NKAIN3: variants seen among roughly 807,000 people sequenced by gnomAD.
NKAIN3 encodes sodium/potassium-transporting ATPase subunit beta-1-interacting protein 3.
Under a neutral mutation model 30.2 loss-of-function variants are expected in NKAIN3, and 25 were observed. The observed-to-expected ratio is 0.83, with a 90% CI of 0.60 to 1.16. The LOEUF is 1.16. Among genes scored for constraint, NKAIN3 ranks in the 50% most tolerant of loss-of-function variants. The probability of loss-of-function intolerance (pLI) is 0.00; values close to 1 mark genes in which losing one functional copy is unlikely to be tolerated. For missense variants in NKAIN3, 225 were observed against 254.1 expected (o/e 0.89, Z 0.78); for synonymous variants, 91 against 89.6 (o/e 1.02, Z -0.09).
chr8:62,952,803 C>T (rs1823320338), intron 5 of NKAIN3, among the ~76,000 whole-genome samples: 1 of 152,090 alleles, frequency 6.6e-6, no homozygotes, highest in South Asian at 2.1e-4. Flanking sequence ...AAATGTTGCA[C>T]AAGAATTGAT....
At chr8:62,958,986 G>GATTCCCCC (rs1563645780) in intron 6 of NKAIN3, among the ~76,000 whole-genome samples, 1 of 152,192 alleles carries the variant, frequency 6.6e-6, no homozygotes, top group Non-Finnish European at 1.5e-5. Flanking sequence ...GCTGACCTGA[G>GATTCCCCC]ATTCCCCCAT....
intron 6 of NKAIN3, among the ~76,000 whole-genome samples, chr8:62,964,554 G>A (rs974157619): frequency 1.3e-5 from 2 of 151,520 alleles, no homozygotes; most frequent in African/African-American, 4.9e-5. Flanking sequence ...GTGTGTGTGT[G>A]TGTGTGTGTG....
intron 5 of NKAIN3, among the ~76,000 whole-genome samples, chr8:62,923,197 C>T (rs1373196046): frequency 6.6e-6 from 1 of 151,978 alleles, no homozygotes; most frequent in African/African-American, 2.4e-5. Context: ...ACTCGGGAGG[C>T]TCAGGTGGGA....
At chr8:62,252,492 C>A (rs944848463) in intron 1 of NKAIN3, among the ~76,000 whole-genome samples, 5 of 152,148 alleles carry the variant, frequency 3.3e-5, no homozygotes, top group African/African-American at 1.2e-4. Flanking sequence ...TTTGCAAAAT[C>A]TCAGTCATTT....
In NKAIN3 at chr8:62,972,388, T is replaced by G. The variant is rs114466804; in HGVS notation, c.*6981T>G. ...TATGTATATATTGGGGGGCAAAATATGACTTTTTATTTTTATTTTTAACCA... is the reference window on the plus strand; with the variant it reads ...TATGTATATATTGGGGGGCAAAATAGGACTTTTTATTTTTATTTTTAACCA... On this transcript the variant is annotated 3_prime_UTR_variant, in exon 7 of 7. Coordinates refer to ENST00000623646, the MANE Select transcript of NKAIN3 (RefSeq NM_001304533.3). 0.015 allele frequency among the ~76,000 whole-genome samples: 2,334 copies of G among 152,240 alleles called. 67 individuals are homozygous for G. The highest frequency in any genetic ancestry group is 0.052 in the African/African-American group (2,164 of 41,548).
At chr8:62,348,451 A>G (rs1207792166) in intron 1 of NKAIN3, among the ~76,000 whole-genome samples, 2 of 152,234 alleles carry the variant, frequency 1.3e-5, no homozygotes, top group African/African-American at 4.8e-5. Context: ...TTAGAAATCA[A>G]CCTCCAAAGC....
At chr8:62,276,472 A>G (rs887172915) in intron 1 of NKAIN3, among the ~76,000 whole-genome samples, 1 of 152,218 alleles carries the variant, frequency 6.6e-6, no homozygotes, top group Non-Finnish European at 1.5e-5. Flanking sequence ...AAATCTAGAT[A>G]TAGATCAATT....
intron 4 of NKAIN3, among the ~76,000 whole-genome samples, chr8:62,793,290 T>G (rs548034173): frequency 1.6e-4 from 25 of 152,110 alleles, no homozygotes; most frequent in East Asian, 7.7e-4. Context: ...AGCTTGCTGG[T>G]TTTTTTGTAA....
At chr8:62,634,567 A>G (rs1027761322) in intron 3 of NKAIN3, among the ~76,000 whole-genome samples, 2 of 152,204 alleles carry the variant, frequency 1.3e-5, no homozygotes, top group African/African-American at 4.8e-5. Context: ...ACATAATTAC[A>G]TAGACAACTG....
At chr8:62,922,924 A>G (rs1822326511) in intron 5 of NKAIN3, among the ~76,000 whole-genome samples, 1 of 152,184 alleles carries the variant, frequency 6.6e-6, no homozygotes, top group South Asian at 2.1e-4. Flanking sequence ...AGCAAGATCT[A>G]TGAAGGTAGA....
chr8:62,930,099 C>T (rs138744511), intron 5 of NKAIN3, among the ~76,000 whole-genome samples: 2 of 152,288 alleles, frequency 1.3e-5, no homozygotes, highest in African/African-American at 4.8e-5. Context: ...AAGTGTACAA[C>T]TCAGTGGCAT....
chr8:62,871,274 G>C (rs1037146631), intron 4 of NKAIN3, among the ~76,000 whole-genome samples: 2 of 151,808 alleles, frequency 1.3e-5, no homozygotes, highest in African/African-American at 4.8e-5. Context: ...CTGGTGGTGT[G>C]CACCTGTAAT....
intron 1 of NKAIN3, among the ~76,000 whole-genome samples, chr8:62,316,149 C>T (rs1243744868): frequency 6.6e-6 from 1 of 152,124 alleles, no homozygotes; most frequent in Non-Finnish European, 1.5e-5. Flanking sequence ...TCTGAGGCCT[C>T]CCCAGCCCTA....
intron 6 of NKAIN3, among the ~76,000 whole-genome samples, chr8:62,959,324 C>T (rs1823503649): frequency 1.3e-5 from 2 of 152,114 alleles, no homozygotes; most frequent in African/African-American, 4.8e-5. Flanking sequence ...TCTCTCTGCA[C>T]TTTCCTGAGA....
In NKAIN3 at chr8:62,465,177, T is replaced by G. The variant is rs139018487; in HGVS notation, c.55-114362T>G. Reference sequence around the variant, plus strand: ...AAATCCAGAATTCTAAGTTTACATCTTTCTTAAATTATCATTATTGTATAC... The same window carrying G: ...AAATCCAGAATTCTAAGTTTACATCGTTCTTAAATTATCATTATTGTATAC... On this transcript the variant is annotated intron_variant, in intron 1 of 6. Transcript: ENST00000623646. 6.8e-3 allele frequency among the ~76,000 whole-genome samples: 1,034 copies of G among 152,314 alleles called. 12 individuals are homozygous for G. The highest frequency in any genetic ancestry group is 0.024 in the African/African-American group (987 of 41,576).
At chr8:62,913,639 T>C (rs1389449339) in intron 4 of NKAIN3, among the ~76,000 whole-genome samples, 1 of 152,202 alleles carries the variant, frequency 6.6e-6, no homozygotes, top group Non-Finnish European at 1.5e-5. Context: ...AAATTTCAAG[T>C]GGCAAAGACG....
intron 5 of NKAIN3, among the ~76,000 whole-genome samples, chr8:62,945,776 C>A (rs1823106929): frequency 6.6e-6 from 1 of 152,086 alleles, no homozygotes; most frequent in African/African-American, 2.4e-5. Flanking sequence ...GAATGAGGAT[C>A]CGAGACAGAG....
At chr8:62,796,181 C>T (rs1276452035) in intron 4 of NKAIN3, among the ~76,000 whole-genome samples, 5 of 151,648 alleles carry the variant, frequency 3.3e-5, no homozygotes, top group South Asian at 2.1e-4. Flanking sequence ...GCCAAGAGTT[C>T]GAAACCAAAC....
chr8:62,947,401 G>A (rs182189413), intron 5 of NKAIN3, among the ~76,000 whole-genome samples: 154 of 152,274 alleles, frequency 1.0e-3, no homozygotes, highest in Non-Finnish European at 1.9e-3. Flanking sequence ...TCCAAGGGCT[G>A]GCAAGGCACT....
Sources: allele counts gnomAD v4.1 joint callset (sites outside exome capture counted in the v4.1 genomes callset), GRCh38; gene constraint gnomAD v4.1.1; transcripts MANE v1.5; gene names NCBI Gene and HGNC (gene_info 2026-07-23, HGNC 2026-07-21).